HSPA4: variants seen among roughly 807,000 people sequenced by gnomAD.
HSPA4 encodes heat shock protein family A (Hsp70) member 4.
Under a neutral mutation model 106.2 loss-of-function variants are expected in HSPA4, and 25 were observed. That is an observed-to-expected ratio of 0.24 (90% CI 0.17 to 0.33). The LOEUF (loss-of-function observed/expected upper bound fraction) is 0.33. Among genes scored for constraint, HSPA4 ranks in the 10% least tolerant of loss-of-function variants. HSPA4 has a pLI of 1.00. For missense variants in HSPA4, 841 were observed against 996.0 expected (o/e 0.84, Z 2.10); for synonymous variants, 332 against 333.6 (o/e 1.00, Z 0.05).
chr5:133,102,070 G>A (rs1765792693), intron 17 of HSPA4, among the ~76,000 whole-genome samples, 192 bp downstream of exon 17: 1 of 151,938 alleles, frequency 6.6e-6, no homozygotes, highest in Non-Finnish European at 1.5e-5. Context: ...GGGATTACAG[G>A]CGTGCACCAC....
chr5:133,061,721 G>A (rs1232179735), intron 1 of HSPA4, among the ~76,000 whole-genome samples: 1 of 152,080 alleles, frequency 6.6e-6, no homozygotes, highest in Non-Finnish European at 1.5e-5. Context: ...CTGGGTTCAA[G>A]CGATTCTGGT....
At chr5:133,082,668 A>G (rs1765526880) in intron 7 of HSPA4, among the ~76,000 whole-genome samples, 2 of 151,944 alleles carry the variant, frequency 1.3e-5, no homozygotes, top group South Asian at 4.2e-4. Flanking sequence ...ATTTTGCCAT[A>G]TTGCTCAGGC....
rs1032046712 is a variant in HSPA4, at chr5:133,067,284, T to C, written c.166-133T>C. Reference sequence around the variant, plus strand: ...CTAGTGGGCACCATTTAGAAAAGTTTAGGGTCTGAAGAAACCAAAACCAAG... The same window carrying C: ...CTAGTGGGCACCATTTAGAAAAGTTCAGGGTCTGAAGAAACCAAAACCAAG... On this transcript the variant is annotated intron_variant, in intron 2 of 18. Transcript: ENST00000304858. The C allele has an allele frequency of 7.3e-5, 51 of 703,360 alleles. No homozygotes were observed. In the African/African-American group the frequency reaches 8.6e-4, roughly 12 times the overall value. The allele number at this position is 703,360 out of a possible 1,614,324, so 43.6% of individuals were successfully genotyped here.
intron 18 of HSPA4, 67 bp from the exon 19 acceptor site, chr5:133,104,166 G>T: frequency 1.3e-6 from 2 of 1,529,936 alleles, no homozygotes; most frequent in East Asian, 4.5e-5. Flanking sequence ...GGCGGATTTG[G>T]GTTTAGCATG....
At chr5:133,065,596 T>C (rs1403845155) in intron 2 of HSPA4, among the ~76,000 whole-genome samples, 1 of 152,222 alleles carries the variant, frequency 6.6e-6, no homozygotes. Context: ...GTCCAGATCT[T>C]GTTAAGCAAG....
In HSPA4 at chr5:133,099,549, G is replaced by T; in HGVS notation, c.1934G>T (p.Arg645Leu). ...EYEKFVSEDD[R>L]NSFTLKLEDT... ...TAATATTTTCTTTATCATTAGGATC[G>T]TAACAGTTTTACTTTGAAACTGGAA... is the stretch of plus-strand genomic sequence containing the variant. The change falls in exon 16 of 19, where the codon CGT (arginine) becomes CTT (leucine). Residue 645 changes from arginine (R) to leucine (L), a missense_variant. Arg to Leu is a moderately radical substitution (Grantham distance 102). Coordinates refer to ENST00000304858, the MANE Select transcript of HSPA4 (RefSeq NM_002154.4). 1.3e-6 allele frequency: 2 copies of T among 1,541,304 alleles called. No individual in the cohort carries two copies. Among genetic ancestry groups the T allele is most frequent in the South Asian group, 1.1e-5 (1 of 88,380 alleles).
chr5:133,104,088 G>A, intron 18 of HSPA4, 62 bp downstream of exon 18: 1 of 1,451,512 alleles, frequency 6.9e-7, no homozygotes, highest in Non-Finnish European at 9.6e-7. Flanking sequence ...TAGTCCTCAA[G>A]TGACACTTAG....
chr5:133,070,431 TTGTC>T lies in HSPA4; in HGVS notation c.365_368del (p.Leu122SerfsTer3). The T allele has an allele frequency of 6.2e-7, 1 of 1,611,514 alleles. No individual in the cohort carries two copies. The highest frequency in any genetic ancestry group is 8.5e-7 in the Non-Finnish European group (1 of 1,179,430). ...CACTGAGCAAGTGACTGCCATGCTT[TTGTC>T]CAAACTGAAGGAGACAGCCGAAAGT... On this transcript the variant is annotated frameshift_variant, in exon 4 of 19. Transcript: ENST00000304858. LOFTEE classifies it high-confidence loss of function.
At chr5:133,078,233 G>A (rs1765469354) in intron 7 of HSPA4, among the ~76,000 whole-genome samples, 1 of 152,100 alleles carries the variant, frequency 6.6e-6, no homozygotes, top group Admixed American at 6.6e-5. Context: ...TGGGGAGGCT[G>A]AGGCAGGGGA....
intron 1 of HSPA4, among the ~76,000 whole-genome samples, chr5:133,056,218 C>G (rs1361926082): frequency 6.6e-6 from 1 of 152,100 alleles, no homozygotes; most frequent in East Asian, 1.9e-4. Flanking sequence ...AAGACCTGAG[C>G]AAGAAGAGCT....
chr5:133,055,472 A>G lies in HSPA4; in HGVS notation c.107+3115A>G, dbSNP rs1179907960. Among the ~76,000 whole-genome samples, 3 of 152,206 alleles carry G rather than the reference A, an allele frequency of 2.0e-5. No homozygotes were observed. In the East Asian group the frequency reaches 5.8e-4, roughly 29 times the overall value. On this transcript the variant is annotated intron_variant, in intron 1 of 18. Transcript: ENST00000304858. The stretch of plus-strand genomic sequence containing the variant: ...TATGATGGTGGAAGTACCTCGTTTC[A>G]GATATGGGTGTAACAATCTGGATTA...
At chr5:133,102,792 A>G (rs567491273) in intron 17 of HSPA4, among the ~76,000 whole-genome samples, 1 of 152,214 alleles carries the variant, frequency 6.6e-6, no homozygotes, top group African/African-American at 2.4e-5. Flanking sequence ...GCTGGGGTGC[A>G]GTGGTGAAAT....
Position 133,086,782 on chromosome 5 carries a change from A to G in HSPA4, c.909A>G (p.Arg303=). The G allele has an allele frequency of 6.2e-7, 1 of 1,611,544 alleles. No homozygotes were observed. The highest frequency in any genetic ancestry group is 8.5e-7 in the Non-Finnish European group (1 of 1,178,048). ...TTTTGTTTTGTTTTGTTTTTTATAGAGGCAAATTTCTGGAGATGTGCAATG... is the reference window on the plus strand; with the variant it reads ...TTTTGTTTTGTTTTGTTTTTTATAGGGGCAAATTTCTGGAGATGTGCAATG... ...NDVDVSGTMN[R]GKFLEMCNDL... is the part of the protein sequence containing the mutation. Residue 303 remains arginine (R), a splice_region_variant and synonymous_variant, in exon 8 of 19, where the codon AGA becomes AGG. Transcript: ENST00000304858.
rs750391463 is a variant in HSPA4, at chr5:133,073,207, A to G, written c.430-23A>G. On this transcript the variant is annotated intron_variant, in intron 4 of 18. Transcript: ENST00000304858. ...TAAAATTAGAATCTATAATACAGTA[A>G]GCATTCTTTTTTTTTTTTGTAGGTT... 20 of 1,399,254 alleles carry G rather than the reference A, an allele frequency of 1.4e-5. No individual in the cohort carries two copies. The African/African-American group carries it at 2.6e-4, about 18-fold the overall frequency. 86.7% of individuals were successfully genotyped at this position (1,399,254 alleles called of 1,614,324 possible).
At chr5:133,072,908 G>C (rs1581470127) in intron 4 of HSPA4, among the ~76,000 whole-genome samples, 1 of 152,208 alleles carries the variant, frequency 6.6e-6, no homozygotes, top group East Asian at 1.9e-4. Flanking sequence ...CAAGGTCCTA[G>C]ATGCCAGGCA....
At chr5:133,094,069 G>A (rs1454612260) in intron 13 of HSPA4, among the ~76,000 whole-genome samples, 1 of 152,142 alleles carries the variant, frequency 6.6e-6, no homozygotes, top group Non-Finnish European at 1.5e-5. Context: ...TCCAATTTGG[G>A]CGACAGAGCA....
intron 17 of HSPA4, 61 bp from the exon 18 acceptor site, chr5:133,103,801 CAGT>C: frequency 7.6e-7 from 1 of 1,315,220 alleles, no homozygotes; most frequent in South Asian, 1.3e-5. Flanking sequence ...AGAAACTAGA[CAGT>C]AGTTGCGGGG....
intron 1 of HSPA4, among the ~76,000 whole-genome samples, chr5:133,058,687 A>C (rs1178801347): frequency 2.0e-5 from 3 of 151,552 alleles, no homozygotes; most frequent in Middle Eastern, 3.2e-3. Flanking sequence ...TCAAAACCCC[A>C]AAAACAAAAC....
chr5:133,073,414 A>G (rs1361706164), intron 5 of HSPA4, 85 bp downstream of exon 5: 1 of 920,502 alleles, frequency 1.1e-6, no homozygotes, highest in Non-Finnish European at 1.7e-6. Context: ...CTTGCTCTTT[A>G]TTTTGCTTTC....
Sources: allele counts gnomAD v4.1 joint callset (sites outside exome capture counted in the v4.1 genomes callset), GRCh38; gene constraint gnomAD v4.1.1; transcripts MANE v1.5; gene names NCBI Gene and HGNC (gene_info 2026-07-23, HGNC 2026-07-21).